CCDC175: variants seen among roughly 807,000 people sequenced by gnomAD.
The protein encoded by CCDC175 is coiled-coil domain-containing protein 175.
CCDC175 carries 100 observed loss-of-function variants against 114.6 expected under a neutral mutation model. The ratio of observed to expected loss-of-function variants is 0.87; its 90% confidence interval spans 0.74 to 1.03. The LOEUF (loss-of-function observed/expected upper bound fraction) is 1.03. Ranked by LOEUF, CCDC175 falls within the 50% of genes least tolerant of loss-of-function variation. The pLI is 0.00. For synonymous variants in CCDC175, 306 were observed against 308.7 expected, an observed-to-expected ratio of 0.99 and a Z score of 0.09; for missense variants, 880 against 917.8, an observed-to-expected ratio of 0.96 and a Z score of 0.53.
chr14:59,564,927 C>A (rs4901941), intron 5 of CCDC175, 120 bp downstream of exon 5: 2 of 708,598 alleles, frequency 2.8e-6, no homozygotes, highest in Non-Finnish European at 2.3e-6. Context: ...TTTCCCAGCG[C>A]GTTCACAGAA....
chr14:59,515,133 A>G (rs1892997785), intron 17 of CCDC175, among the ~76,000 whole-genome samples: 1 of 152,208 alleles, frequency 6.6e-6, no homozygotes, highest in African/African-American at 2.4e-5. Flanking sequence ...TTTTGTCACC[A>G]CCAGGCCTGC....
rs751098648 is a variant in CCDC175 at position 59,524,888 on chromosome 14, A to G, written c.1995+394T>C. Among the ~76,000 whole-genome samples, 106 of 152,344 alleles carry G rather than the reference A, an allele frequency of 7.0e-4. 2 individuals carry two copies. The highest frequency in any genetic ancestry group is 2.0e-4 in the Admixed American group (3 of 15,302). On this transcript the variant is annotated intron_variant, in intron 16 of 19. Transcript: ENST00000537690. ...CAGTGCAATACTATACAGAACTAAGAATAACAAACTACACTCAACAATAAG... is the reference window on the plus strand; with the variant it reads ...CAGTGCAATACTATACAGAACTAAGGATAACAAACTACACTCAACAATAAG...
intron 10 of CCDC175, 27 bp from the exon 11 acceptor site, chr14:59,540,773 G>A (rs1397205950): frequency 6.8e-7 from 1 of 1,463,734 alleles, no homozygotes; most frequent in South Asian, 1.3e-5. Flanking sequence ...ATTGGATTTT[G>A]CATTTATGGG....
At chr14:59,540,820 T>C in intron 10 of CCDC175, 74 bp from the exon 11 acceptor site, 2 of 1,234,176 alleles carry the variant, frequency 1.6e-6, no homozygotes, top group South Asian at 2.8e-5. Flanking sequence ...ATACGCATAA[T>C]TTGTATGCTC....
At chr14:59,550,178 G>C (rs749077122) in intron 8 of CCDC175, among the ~76,000 whole-genome samples, 9 of 152,114 alleles carry the variant, frequency 5.9e-5, no homozygotes, top group Non-Finnish European at 8.8e-5. Flanking sequence ...CAAAGTGCTG[G>C]AATTACAGGC....
At chr14:59,545,596 T>C (rs1895055301) in intron 8 of CCDC175, among the ~76,000 whole-genome samples, 1 of 152,214 alleles carries the variant, frequency 6.6e-6, no homozygotes, top group Non-Finnish European at 1.5e-5. Flanking sequence ...GCAACGTTAG[T>C]ATGTCCTTTT....
chr14:59,545,817 A>G (rs1338516259), intron 8 of CCDC175, among the ~76,000 whole-genome samples: 2 of 152,376 alleles, frequency 1.3e-5, no homozygotes, highest in Non-Finnish European at 2.9e-5. Flanking sequence ...CAATGGGCTG[A>G]ATAGTTCAAA....
intron 13 of CCDC175, among the ~76,000 whole-genome samples, chr14:59,534,157 C>T (rs1014879844): frequency 1.7e-4 from 26 of 152,092 alleles, no homozygotes; most frequent in Non-Finnish European, 2.8e-4. Context: ...TCTCTTGTTC[C>T]GTTCTCTGAA....
At chr14:59,513,984 C>G (rs190141767) in intron 17 of CCDC175, among the ~76,000 whole-genome samples, 3 of 152,286 alleles carry the variant, frequency 2.0e-5, no homozygotes, top group Non-Finnish European at 4.4e-5. Context: ...GAGGCATGAT[C>G]AGGCAGCAAC....
intron 16 of CCDC175, among the ~76,000 whole-genome samples, chr14:59,524,313 A>T (rs1418308389): frequency 1.4e-5 from 2 of 142,410 alleles, no homozygotes; most frequent in East Asian, 4.0e-4. Context: ...TGTTAAAACG[A>T]ATACATTTTA....
chr14:59,544,426 G>A (rs1894979087), intron 9 of CCDC175, among the ~76,000 whole-genome samples: 1 of 152,040 alleles, frequency 6.6e-6, no homozygotes, highest in Admixed American at 6.6e-5. Flanking sequence ...GAAGTTTATA[G>A]TCTTGTTCAA....
chr14:59,518,560 T>G (rs896186724), intron 17 of CCDC175, among the ~76,000 whole-genome samples: 2 of 152,040 alleles, frequency 1.3e-5, no homozygotes, highest in Non-Finnish European at 1.5e-5. Flanking sequence ...AAAAGACACA[T>G]GAAAAAATGC....
chr14:59,518,469 T>A (rs1266810241), intron 17 of CCDC175, among the ~76,000 whole-genome samples: 1 of 151,806 alleles, frequency 6.6e-6, no homozygotes, highest in East Asian at 1.9e-4. Flanking sequence ...TCAGACAAAT[T>A]TACAAGAAAA....
At chr14:59,517,338 G>A (rs1411278728) in intron 17 of CCDC175, among the ~76,000 whole-genome samples, 1 of 152,130 alleles carries the variant, frequency 6.6e-6, no homozygotes, top group East Asian at 1.9e-4. Flanking sequence ...GGCAGGAGAA[G>A]GAAATAAAGG....
intron 10 of CCDC175, among the ~76,000 whole-genome samples, chr14:59,541,449 C>A (rs146457662): frequency 6.6e-6 from 1 of 152,230 alleles, no homozygotes; most frequent in East Asian, 1.9e-4. Context: ...GAATTGAAAG[C>A]CACATAAGTA....
At chr14:59,544,701 A>G (rs528353262) in intron 9 of CCDC175, among the ~76,000 whole-genome samples, 100 of 152,340 alleles carry the variant, frequency 6.6e-4, no homozygotes, top group African/African-American at 1.9e-3. Flanking sequence ...GTGCTTTAGA[A>G]TGGCAGAAAG....
intron 11 of CCDC175, 27 bp downstream of exon 11, chr14:59,540,648 C>CTTTTT (rs34112354): frequency 0.011 from 12,178 of 1,092,560 alleles, 184 homozygotes; most frequent in African/African-American, 0.031. Flanking sequence ...CACAAATAAA[C>CTTTTT]TTTTTTTTTT....
At chr14:59,533,685 G>A (rs1159201017) in intron 13 of CCDC175, among the ~76,000 whole-genome samples, 1 of 152,114 alleles carries the variant, frequency 6.6e-6, no homozygotes, top group African/African-American at 2.4e-5. Context: ...ATTTAAGCAG[G>A]TTGAGTTAAG....
chr14:59,539,192 C>T (rs1015750351), intron 11 of CCDC175, among the ~76,000 whole-genome samples: 9 of 152,250 alleles, frequency 5.9e-5, no homozygotes, highest in South Asian at 2.1e-4. Context: ...CCTAAATTAC[C>T]GGATGTGCTA....
Sources: allele counts gnomAD v4.1 joint callset (sites outside exome capture counted in the v4.1 genomes callset), GRCh38; gene constraint gnomAD v4.1.1; transcripts MANE v1.5; gene names NCBI Gene and HGNC (gene_info 2026-07-23, HGNC 2026-07-21).